Variants in SNX14 observed in about 807,000 individuals in gnomAD.
The protein encoded by SNX14 is sorting nexin-14.
SNX14 carries 93 observed loss-of-function variants against 133.8 expected under a neutral mutation model. The observed-to-expected ratio is 0.70, with a 90% CI of 0.59 to 0.83. SNX14 has a LOEUF of 0.83. Ranked by LOEUF, SNX14 falls within the 40% of genes least tolerant of loss-of-function variation. The pLI, the probability that SNX14 is intolerant of heterozygous loss-of-function variation, is 0.00. For synonymous variants in SNX14, 368 were observed against 365.6 expected, an observed-to-expected ratio of 1.01 and a Z score of -0.07; for missense variants, 945 against 1,094.9, an observed-to-expected ratio of 0.86 and a Z score of 1.93.
intron 17 of SNX14, among the ~76,000 whole-genome samples, chr6:85,536,260 T>C (rs888313220): frequency 1.3e-5 from 2 of 152,108 alleles, no homozygotes; most frequent in African/African-American, 2.4e-5. Flanking sequence ...TAAAATAGGA[T>C]GGTAAGTAAA....
chr6:85,580,497 A>G (rs1798701621), intron 1 of SNX14, among the ~76,000 whole-genome samples: 1 of 152,046 alleles, frequency 6.6e-6, no homozygotes, highest in Non-Finnish European at 1.5e-5. Context: ...CAGCTCAGGT[A>G]CCGGCTTGGC....
chr6:85,542,480 C>T (rs1448280494), intron 14 of SNX14, among the ~76,000 whole-genome samples: 1 of 152,114 alleles, frequency 6.6e-6, no homozygotes, highest in Non-Finnish European at 1.5e-5. Flanking sequence ...CTGCAAGCTC[C>T]GCCTCCCGGG....
chr6:85,564,634 C>A (rs1272853815), intron 6 of SNX14, among the ~76,000 whole-genome samples: 1 of 152,084 alleles, frequency 6.6e-6, no homozygotes, highest in Non-Finnish European at 1.5e-5. Flanking sequence ...AAATTATTCA[C>A]TAATTTTTTA....
intron 21 of SNX14, among the ~76,000 whole-genome samples, chr6:85,520,032 G>A (rs1263621050): frequency 6.6e-6 from 1 of 151,788 alleles, no homozygotes; most frequent in East Asian, 1.9e-4. Context: ...AGTAGTAGTA[G>A]TAGTAGTAGC....
chr6:85,541,195 G>A lies in SNX14; in HGVS notation c.1448+790C>T, dbSNP rs574226551. ...TTTATTAGAGATGGGGTTTCACCAC[G>A]TTGGCCAGACTGGTCTCAAACTCCT... On this transcript the variant is annotated intron_variant, in intron 15 of 28. Transcript: ENST00000314673. 1.5e-4 allele frequency among the ~76,000 whole-genome samples: 23 copies of A among 152,080 alleles called. No individual in the cohort carries two copies. In the East Asian group the frequency reaches 3.7e-3, roughly 24 times the overall value.
At chr6:85,551,319 T>C (rs1264798451) in intron 7 of SNX14, among the ~76,000 whole-genome samples, 1 of 152,162 alleles carries the variant, frequency 6.6e-6, no homozygotes, top group Non-Finnish European at 1.5e-5. Context: ...GCAAAACCAG[T>C]TCCTGCTGTT....
chr6:85,570,617 G>A (rs1795220037), intron 4 of SNX14, among the ~76,000 whole-genome samples: 1 of 152,144 alleles, frequency 6.6e-6, no homozygotes, highest in Non-Finnish European at 1.5e-5. Context: ...CACTTTGGGA[G>A]GTCGAGGCAG....
At chr6:85,584,153 A>T (rs1799931465) in intron 1 of SNX14, among the ~76,000 whole-genome samples, 1 of 152,248 alleles carries the variant, frequency 6.6e-6, no homozygotes, top group Non-Finnish European at 1.5e-5. Context: ...TGAAGAAAGG[A>T]TTCCCTATTT....
chr6:85,525,197 T>G (rs1056561478), intron 21 of SNX14, among the ~76,000 whole-genome samples: 49 of 152,196 alleles, frequency 3.2e-4, no homozygotes, highest in Non-Finnish European at 1.2e-4. Context: ...CCCAGCAGAC[T>G]GTGCTTTGAC....
chr6:85,542,103 T>C, intron 14 of SNX14, 60 bp from the exon 15 acceptor site: 1 of 1,151,932 alleles, frequency 8.7e-7, no homozygotes, highest in South Asian at 1.6e-5. Context: ...TTAAAACATG[T>C]TACCTTAGTT....
chr6:85,550,793 T>C (rs1332709640), intron 7 of SNX14, among the ~76,000 whole-genome samples: 4 of 151,978 alleles, frequency 2.6e-5, no homozygotes. Flanking sequence ...AAATTCTTTT[T>C]TTTTTTTGAG....
At chr6:85,536,551 C>T (rs914803376) in intron 17 of SNX14, among the ~76,000 whole-genome samples, 1 of 152,144 alleles carries the variant, frequency 6.6e-6, no homozygotes. Flanking sequence ...AGGAACTATT[C>T]TGCCTTAATA....
rs750493828 is a variant in SNX14, at chr6:85,528,400, G to C, written c.1895-38C>G. 2.5e-5 allele frequency: 37 copies of C among 1,491,574 alleles called. No homozygotes were observed. The East Asian group carries it at 8.4e-4, about 34-fold the overall frequency. 92.4% of individuals were successfully genotyped at this position (1,491,574 alleles called of 1,614,324 possible). ...TATATTATAGTTATTACTGTGTTCT[G>C]CTACTATTTTTAAAACCTTAAATTA... On this transcript the variant is annotated intron_variant, in intron 19 of 28. Transcript: ENST00000314673.
chr6:85,538,370 CTAGA>C (rs1390667730), intron 16 of SNX14, among the ~76,000 whole-genome samples: 3 of 151,954 alleles, frequency 2.0e-5, no homozygotes, highest in African/African-American at 7.3e-5. Context: ...TCTCTAGACT[CTAGA>C]TAGTTTATTC....
chr6:85,528,735 T>C (rs944541390), intron 19 of SNX14, among the ~76,000 whole-genome samples: 2 of 152,098 alleles, frequency 1.3e-5, no homozygotes, highest in African/African-American at 4.8e-5. Flanking sequence ...AAAGATAGCA[T>C]CTTGTCAATG....
chr6:85,574,464 T>C (rs577756384), intron 1 of SNX14, 86 bp from the exon 2 acceptor site: 2 of 926,920 alleles, frequency 2.2e-6, no homozygotes, highest in East Asian at 2.9e-5. Context: ...AAGCATTCAT[T>C]AAGCACCTAC....
At chr6:85,561,070 A>C (rs985220496) in intron 6 of SNX14, 1 of 150,784 alleles carries the variant, frequency 6.6e-6, no homozygotes, top group African/African-American at 2.5e-5. Flanking sequence ...ACGGTGGCTC[A>C]CATCTGTAAT....
In SNX14 at chr6:85,572,228, T is replaced by C; in HGVS notation, c.339-13A>G. The C allele has an allele frequency of 6.2e-7, 1 of 1,613,240 alleles. No homozygotes were observed. Among genetic ancestry groups the C allele is most frequent in the South Asian group, 1.1e-5 (1 of 90,910 alleles). ...TAGCAAAGAAGGCCTAAAGAAAAAT[T>C]ATACAACTAAATCACTTGAAATCCA... is the stretch of plus-strand genomic sequence containing the variant. On this transcript the variant is annotated splice_polypyrimidine_tract_variant and intron_variant, in intron 3 of 28. Transcript: ENST00000314673.
intron 24 of SNX14, 127 bp from the exon 25 acceptor site, chr6:85,514,361 G>C: frequency 1.4e-6 from 2 of 1,440,004 alleles, no homozygotes; most frequent in South Asian, 2.7e-5. Flanking sequence ...ACTTTAATAT[G>C]ATCAAGGCCA....
Sources: gnomAD v4.1 joint callset for allele counts (sites outside exome capture counted in the v4.1 genomes callset) on GRCh38, gnomAD v4.1.1 for gene constraint, MANE v1.5 for transcripts, NCBI Gene and HGNC (gene_info 2026-07-23, HGNC 2026-07-21) for gene names.